Variants in PAMR1 observed in about 807,000 individuals in gnomAD.
The protein encoded by PAMR1 is peptidase domain containing associated with muscle regeneration 1.
In PAMR1, 88 loss-of-function variants were observed where a neutral mutation model predicts 81.8. The ratio of observed to expected loss-of-function variants is 1.08; its 90% CI spans 0.91 to 1.28. PAMR1 has a LOEUF of 1.28. PAMR1 is among the 50% of genes most tolerant of loss of function. The probability of loss-of-function intolerance (pLI) is 0.00; values close to 1 mark genes in which losing one functional copy is unlikely to be tolerated. For synonymous variants in PAMR1, 336 were observed against 345.3 expected (o/e 0.97, Z 0.30); for missense variants, 935 against 919.7 (o/e 1.02, Z -0.21).
chr11:35,450,127 G>A (rs1246864930), intron 6 of PAMR1, among the ~76,000 whole-genome samples: 1 of 27,020 alleles, frequency 3.7e-5, no homozygotes, highest in Non-Finnish European at 6.1e-5. Context: ...GCTGCCTCCA[G>A]GCAAAAAAAA....
rs1388014099 is a variant in PAMR1, at chr11:35,432,422, G to T, written c.2097C>A (p.His699Gln). ...CCTTGGTGAAGGCAGTGGAGAGCCT[G>T]TGGCTGCATGTTTTATCATAGCTCC... ...VSWSYDKTCS[H>Q]RLSTAFTKVL... Residue 699 changes from histidine to glutamine, a missense_variant, in exon 11 of 11, where the codon CAC becomes CAA. His to Gln is a conservative substitution (Grantham distance 24). Transcript: ENST00000619888. The T allele has an allele frequency of 6.2e-7, 1 of 1,614,140 alleles. No homozygotes were observed. The highest frequency in any genetic ancestry group is 1.1e-5 in the South Asian group (1 of 91,086).
upstream of PAMR1, among the ~76,000 whole-genome samples, chr11:35,528,716 C>T (rs1345388124): frequency 6.6e-6 from 1 of 152,154 alleles, no homozygotes; most frequent in African/African-American, 2.4e-5. Flanking sequence ...TGGCTATTTG[C>T]TAAGGAAGTC....
intron 10 of PAMR1, 147 bp downstream of exon 10, chr11:35,434,365 T>C: frequency 1.5e-6 from 1 of 674,038 alleles, no homozygotes; most frequent in Non-Finnish European, 2.5e-6. Flanking sequence ...AGTATCTCAA[T>C]ATGAAATAAT....
At position 35,432,838 on chromosome 11, in the gene PAMR1, T is replaced by C. The variant is rs989527985; in HGVS notation, c.1681A>G (p.Ile561Val). ...TTGTCTAGGAGCTTCAGGATGGCGA[T>C]GTCAGCATCAAGCAGGATGGGGTCA... ...NYDPILLDAD[I>V]AILKLLDKAR... is the part of the protein sequence containing the mutation. The change falls in exon 11 of 11, where the codon ATC becomes GTC. Residue 561 changes from isoleucine to valine, a missense_variant. Transcript: ENST00000619888. 1.2e-6 allele frequency: 2 copies of C among 1,601,710 alleles called. No individual in the cohort carries two copies. Among genetic ancestry groups the C allele is most frequent in the Admixed American group, 1.7e-5 (1 of 59,958 alleles).
At chr11:35,504,172 G>A (rs1221921708) in intron 1 of PAMR1, among the ~76,000 whole-genome samples, 2 of 152,112 alleles carry the variant, frequency 1.3e-5, no homozygotes, top group Non-Finnish European at 2.9e-5. Context: ...CATGTATCAT[G>A]TCTGTTTATT....
chr11:35,525,546 G>A lies in PAMR1; in HGVS notation c.40C>T (p.Leu14Phe). Reference protein sequence around the residue: ...GCWTQLGLTFLQLLLISSLPR... With the variant: ...GCWTQLGLTFFQLLLISSLPR... Reference sequence around the variant, plus strand: ...AAGGACGAGATGAGAAGGAGCTGAAGAAAAGTGAGCCCCAACTGCGTCCAG... The same window carrying A: ...AAGGACGAGATGAGAAGGAGCTGAAAAAAAGTGAGCCCCAACTGCGTCCAG... Residue 14 changes from leucine to phenylalanine, a missense_variant, in exon 1 of 11, where the codon CTT becomes TTT. By Grantham distance (22) the Leu-to-Phe change is conservative (BLOSUM62 0). Coordinates refer to ENST00000619888, the MANE Select transcript of PAMR1 (RefSeq NM_001001991.3). 1 of 1,614,080 alleles carries A rather than the reference G, an allele frequency of 6.2e-7. No individual in the cohort carries two copies. The highest frequency in any genetic ancestry group is 8.5e-7 in the Non-Finnish European group (1 of 1,179,976).
At position 35,468,016 on chromosome 11, in the gene PAMR1, G is replaced by T; in HGVS notation, c.805C>A (p.Gln269Lys). 1.3e-6 allele frequency: 2 copies of T among 1,558,406 alleles called. No individual in the cohort carries two copies. Among genetic ancestry groups the T allele is most frequent in the Non-Finnish European group, 8.7e-7 (1 of 1,148,776 alleles). The part of the protein sequence containing the change: ...KCACLAGYTG[Q>K]RCENLLEERN... ...GCATACTCACGATTTTCACAGCGCT[G>T]CCCAGTATAGCCTGCCAAGCAGGCA... Residue 269 changes from glutamine to lysine, a missense_variant, in exon 6 of 11, where the codon CAG becomes AAG. Coordinates refer to ENST00000619888, the MANE Select transcript of PAMR1 (RefSeq NM_001001991.3).
At chr11:35,446,035 T>G (rs751845907) in intron 6 of PAMR1, among the ~76,000 whole-genome samples, 2 of 152,240 alleles carry the variant, frequency 1.3e-5, no homozygotes, top group Non-Finnish European at 2.9e-5. Flanking sequence ...ATTCAGGGAT[T>G]CAAATTCTTC....
chr11:35,509,907 G>C (rs959512995), intron 1 of PAMR1, among the ~76,000 whole-genome samples: 4 of 152,170 alleles, frequency 2.6e-5, no homozygotes, highest in African/African-American at 9.6e-5. Context: ...TATGAAAGCT[G>C]CAAATAAATT....
chr11:35,465,237 C>A (rs1856735270), intron 6 of PAMR1, among the ~76,000 whole-genome samples: 1 of 152,108 alleles, frequency 6.6e-6, no homozygotes, highest in South Asian at 2.1e-4. Context: ...AAATGATTTG[C>A]CCTCATCAGA....
chr11:35,526,715 T>C (rs1177082298), upstream of PAMR1, among the ~76,000 whole-genome samples: 1 of 152,192 alleles, frequency 6.6e-6, no homozygotes, highest in Non-Finnish European at 1.5e-5. Flanking sequence ...CTATAGAGCT[T>C]CTTAGGATGC....
At chr11:35,462,970 T>C (rs1391945231) in intron 6 of PAMR1, among the ~76,000 whole-genome samples, 4 of 152,116 alleles carry the variant, frequency 2.6e-5, no homozygotes, top group Non-Finnish European at 5.9e-5. Context: ...GCAGTAAAAA[T>C]TCCATTTTTA....
intron 1 of PAMR1, among the ~76,000 whole-genome samples, chr11:35,514,156 T>C (rs1366021509): frequency 1.3e-5 from 2 of 152,114 alleles, no homozygotes; most frequent in African/African-American, 4.8e-5. Context: ...CTCGAGAGGA[T>C]GGAGGCACAG....
chr11:35,482,290 G>T, intron 3 of PAMR1, among the ~76,000 whole-genome samples: 1 of 152,178 alleles, frequency 6.6e-6, no homozygotes, highest in East Asian at 1.9e-4. Flanking sequence ...TATTAAACAG[G>T]GAATCCTTTC....
At chr11:35,510,858 C>A (rs1851060032) in intron 1 of PAMR1, among the ~76,000 whole-genome samples, 1 of 152,194 alleles carries the variant, frequency 6.6e-6, no homozygotes, top group South Asian at 2.1e-4. Context: ...AATATTAAGA[C>A]AGTTGCAAAG....
rs754326970 is a variant in PAMR1, at chr11:35,441,658, G to C, written c.856C>G (p.Pro286Ala). ...EERNCSDPGG[P>A]VNGYQKITGG... ...GTTATTTTCTGGTACCCATTGACTG[G>C]GCCCCCAGGGTCTGAGCAGTTTCTT... The change falls in exon 7 of 11, where the codon CCA becomes GCA. Residue 286 changes from proline to alanine, a missense_variant. Pro to Ala is a conservative substitution (Grantham distance 27). Coordinates refer to ENST00000619888, the MANE Select transcript of PAMR1 (RefSeq NM_001001991.3). 1 of 1,613,732 alleles carries C rather than the reference G, an allele frequency of 6.2e-7. No individual in the cohort carries two copies. Among genetic ancestry groups the C allele is most frequent in the Non-Finnish European group, 8.5e-7 (1 of 1,179,758 alleles).
rs775266742 is a variant in PAMR1 at position 35,470,584 on chromosome 11, G to A, written c.712+17C>T. 5.6e-6 allele frequency: 9 copies of A among 1,595,762 alleles called. No individual in the cohort carries two copies. The highest frequency in any genetic ancestry group is 4.4e-5 in the South Asian group (4 of 90,648). On this transcript the variant is annotated intron_variant, in intron 5 of 10. Coordinates refer to ENST00000619888, the MANE Select transcript of PAMR1 (RefSeq NM_001001991.3). ...GAGCAAGCCATAAAATGCCACATTT[G>A]TCTCCTTGGCCTTTACCTGTGATCT...
At chr11:35,508,986 A>G (rs1423360076) in intron 1 of PAMR1, among the ~76,000 whole-genome samples, 1 of 152,168 alleles carries the variant, frequency 6.6e-6, no homozygotes, top group Non-Finnish European at 1.5e-5. Flanking sequence ...CTTTGCTATT[A>G]TGAATAGTGC....
At chr11:35,462,045 T>A (rs1856667541) in intron 6 of PAMR1, among the ~76,000 whole-genome samples, 1 of 150,058 alleles carries the variant, frequency 6.7e-6, no homozygotes, top group South Asian at 2.1e-4. Flanking sequence ...TGCTCCTTTT[T>A]TTTTTTCTTC....
Sources: gnomAD v4.1 joint callset for allele counts (sites outside exome capture counted in the v4.1 genomes callset) on GRCh38, gnomAD v4.1.1 for gene constraint, MANE v1.5 for transcripts, NCBI Gene and HGNC (gene_info 2026-07-23, HGNC 2026-07-21) for gene names.